The following FSIP1 variants were observed in gnomAD, a reference collection of about 807,000 sequenced individuals.
FSIP1 encodes fibrous sheath interacting protein 1.
Under a neutral mutation model 60.9 loss-of-function variants are expected in FSIP1, and 65 were observed. That is an observed-to-expected ratio of 1.07 (90% CI 0.87 to 1.31). The LOEUF (loss-of-function observed/expected upper bound fraction) is 1.31. Ranked by LOEUF, FSIP1 falls within the 40% of genes most tolerant of loss-of-function variation. FSIP1 has a pLI of 0.00. For missense variants in FSIP1, 675 were observed against 665.5 expected, an observed-to-expected ratio of 1.01 and a Z score of -0.16; for synonymous variants, 209 against 221.2, an observed-to-expected ratio of 0.94 and a Z score of 0.49.
At chr15:39,711,413 T>TG (rs1895500692) in intron 10 of FSIP1, among the ~76,000 whole-genome samples, 1 of 152,058 alleles carries the variant, frequency 6.6e-6, no homozygotes, top group Non-Finnish European at 1.5e-5. Context: ...CCCATCACCT[T>TG]GGGGACTAGG....
intron 1 of FSIP1, 46 bp from the exon 2 acceptor site, chr15:39,776,577 T>A: frequency 6.8e-7 from 1 of 1,477,000 alleles, no homozygotes; most frequent in Non-Finnish European, 9.3e-7. Context: ...CTCGGATATT[T>A]AAATCTTTCA....
chr15:39,725,515 G>A (rs1293396509), intron 9 of FSIP1, among the ~76,000 whole-genome samples: 1 of 152,206 alleles, frequency 6.6e-6, no homozygotes, highest in Non-Finnish European at 1.5e-5. Context: ...TGACAGCTTA[G>A]AGAAAGTGCT....
At chr15:39,737,591 A>G (rs1896656728) in intron 8 of FSIP1, among the ~76,000 whole-genome samples, 1 of 152,198 alleles carries the variant, frequency 6.6e-6, no homozygotes, top group Admixed American at 6.5e-5. Flanking sequence ...TAATCCTTTG[A>G]AAGTCAATAA....
At chr15:39,671,379 A>G (rs746644998) in intron 10 of FSIP1, among the ~76,000 whole-genome samples, 2 of 152,220 alleles carry the variant, frequency 1.3e-5, no homozygotes, top group African/African-American at 2.4e-5. Flanking sequence ...AAAGTAAACT[A>G]TCTTTTTATG....
intron 11 of FSIP1, among the ~76,000 whole-genome samples, chr15:39,608,664 T>C (rs906253714): frequency 4.6e-5 from 7 of 152,194 alleles, no homozygotes; most frequent in African/African-American, 1.2e-4. Flanking sequence ...TCTAACTGAA[T>C]TGCATTTGTA....
chr15:39,715,807 G>T (rs997359681), intron 9 of FSIP1, among the ~76,000 whole-genome samples: 1 of 152,130 alleles, frequency 6.6e-6, no homozygotes, highest in African/African-American at 2.4e-5. Context: ...ATGATTGTGA[G>T]TGAATGAGTT....
intron 10 of FSIP1, among the ~76,000 whole-genome samples, chr15:39,668,782 C>T (rs779195951): frequency 2.6e-5 from 4 of 152,150 alleles, no homozygotes; most frequent in Non-Finnish European, 4.4e-5. Context: ...ACAATTCCTT[C>T]GCCTCGCTTT....
At chr15:39,620,098 G>C (rs1314498504) in intron 10 of FSIP1, among the ~76,000 whole-genome samples, 2 of 152,136 alleles carry the variant, frequency 1.3e-5, no homozygotes, top group East Asian at 3.8e-4. Context: ...AGGAAAAGCA[G>C]TGACATATAC....
At chr15:39,713,879 C>T (rs1895633273) in intron 9 of FSIP1, among the ~76,000 whole-genome samples, 1 of 152,214 alleles carries the variant, frequency 6.6e-6, no homozygotes, top group Non-Finnish European at 1.5e-5. Flanking sequence ...TGCTCTGATA[C>T]TTACCAGCTT....
intron 10 of FSIP1, among the ~76,000 whole-genome samples, chr15:39,703,506 A>G (rs1433218351): frequency 6.6e-6 from 1 of 152,252 alleles, no homozygotes; most frequent in East Asian, 1.9e-4. Context: ...TTTGAAACTG[A>G]AACCTACTAA....
chr15:39,753,867 G>C (rs111340588), intron 5 of FSIP1, among the ~76,000 whole-genome samples: 1 of 151,842 alleles, frequency 6.6e-6, no homozygotes, highest in East Asian at 1.9e-4. Flanking sequence ...ACTAACTTTC[G>C]TCTATGTCAT....
At chr15:39,646,520 C>CAAAAAA (rs71132108) in intron 10 of FSIP1, among the ~76,000 whole-genome samples, 494 of 27,104 alleles carry the variant, frequency 0.018, 94 homozygotes, top group East Asian at 0.067. Context: ...CTCATCTCTA[C>CAAAAAA]AAAAAAAAAA....
chr15:39,769,243 C>T (rs1897798607), intron 3 of FSIP1, among the ~76,000 whole-genome samples: 1 of 149,218 alleles, frequency 6.7e-6, no homozygotes, highest in African/African-American at 2.5e-5. Context: ...CGCGCCACTG[C>T]ACTCCAGCCT....
intron 11 of FSIP1, among the ~76,000 whole-genome samples, chr15:39,612,347 CTTGGTGAATTCACAAATATGTGGAAA>C (rs1891066416): frequency 6.6e-6 from 1 of 152,104 alleles, no homozygotes; most frequent in African/African-American, 2.4e-5. Context: ...AACAAGAAAT[CTTGGTGAATTCACAAATATGTGGAAA>C]TTAAACAACA....
chr15:39,659,332 G>A (rs556369743), intron 10 of FSIP1, among the ~76,000 whole-genome samples: 54 of 152,064 alleles, frequency 3.6e-4, no homozygotes, highest in Non-Finnish European at 7.1e-4. Flanking sequence ...CAAGAGGTCA[G>A]GAGATCGAGA....
intron 10 of FSIP1, among the ~76,000 whole-genome samples, chr15:39,618,687 G>A (rs772881163): frequency 6.6e-6 from 1 of 152,148 alleles, no homozygotes; most frequent in African/African-American, 2.4e-5. Flanking sequence ...TTCCAGAGGC[G>A]GTGTATTTGG....
chr15:39,650,348 C>A (rs543050135), intron 10 of FSIP1, among the ~76,000 whole-genome samples: 6 of 152,300 alleles, frequency 3.9e-5, no homozygotes, highest in African/African-American at 1.4e-4. Flanking sequence ...TGGTACCACA[C>A]AATTTATCAC....
chr15:39,617,860 TTC>T lies in FSIP1; in HGVS notation c.1572_1573del (p.Lys525AspfsTer15). ...TTTCAGTCTCCCAATGCCAAGAGTC[TTC>T]GACATAAAATAGTCTTTTGTGTCAC... On this transcript the variant is annotated frameshift_variant, in exon 11 of 12. Transcript: ENST00000350221. LOFTEE classifies it high-confidence loss of function. 6.2e-7 allele frequency: 1 copy of T among 1,614,138 alleles called. No individual in the cohort carries two copies. The highest frequency in any genetic ancestry group is 8.5e-7 in the Non-Finnish European group (1 of 1,180,008).
chr15:39,658,017 C>A (rs1566872783), intron 10 of FSIP1, among the ~76,000 whole-genome samples: 1 of 152,130 alleles, frequency 6.6e-6, no homozygotes, highest in Non-Finnish European at 1.5e-5. Flanking sequence ...ACTTAATTTG[C>A]AACTTAACAA....
Sources: gnomAD v4.1 joint callset for allele counts (sites outside exome capture counted in the v4.1 genomes callset) on GRCh38, gnomAD v4.1.1 for gene constraint, MANE v1.5 for transcripts, NCBI Gene and HGNC (gene_info 2026-07-23, HGNC 2026-07-21) for gene names.